The following ABCC1 variants were observed in gnomAD, a reference collection of about 807,000 sequenced individuals.
ABCC1 encodes ATP binding cassette subfamily C member 1 (ABCC1 blood group).
Under a neutral mutation model 172.9 loss-of-function variants are expected in ABCC1, and 83 were observed. The observed-to-expected ratio is 0.48, with a 90% CI of 0.40 to 0.58. The LOEUF is 0.58. Among genes scored for constraint, ABCC1 ranks in the 20% least tolerant of loss-of-function variants. ABCC1 has a pLI of 0.00. For missense variants in ABCC1, 1,817 were observed against 2,002.7 expected (o/e 0.91, Z 1.77); for synonymous variants, 937 against 825.2 (o/e 1.14, Z -2.32).
chr16:16,016,531 C>G lies in ABCC1; in HGVS notation c.525C>G (p.Phe175Leu), dbSNP rs761444938. Reference protein sequence around the residue: ...AQVDLFRDITFYVYFSLLLIQ... With the variant: ...AQVDLFRDITLYVYFSLLLIQ... Reference sequence around the variant, plus strand: ...TGGACCTGTTTCGTGACATCACTTTCTACGTCTACTTTTCCCTCTTACTCA... The same window carrying G: ...TGGACCTGTTTCGTGACATCACTTTGTACGTCTACTTTTCCCTCTTACTCA... The change falls in exon 5 of 31, where the codon TTC becomes TTG. Residue 175 changes from phenylalanine (F) to leucine (L), a missense_variant. Phe to Leu is a conservative substitution (Grantham distance 22, BLOSUM62 0). Coordinates refer to ENST00000399410, the MANE Select transcript of ABCC1 (RefSeq NM_004996.4). The G allele has an allele frequency of 6.2e-7, 1 of 1,614,152 alleles. No individual in the cohort carries two copies. Among genetic ancestry groups the G allele is most frequent in the Non-Finnish European group, 8.5e-7 (1 of 1,179,996 alleles).
intron 5 of ABCC1, among the ~76,000 whole-genome samples, chr16:16,020,523 C>T (rs2048160031): frequency 6.6e-6 from 1 of 152,200 alleles, no homozygotes; most frequent in South Asian, 2.1e-4. Context: ...GCGTTCATCA[C>T]ATAGTGTCTA....
intron 10 of ABCC1, among the ~76,000 whole-genome samples, chr16:16,050,097 T>C (rs1411705523): frequency 1.3e-5 from 2 of 152,202 alleles, no homozygotes; most frequent in African/African-American, 4.8e-5. Context: ...AGCAGCTGAC[T>C]TTTGTGTCTT....
rs1293465097 is a variant in ABCC1, at chr16:16,007,813, C to T, written c.49-3C>T. 1 of 1,609,014 alleles carries T rather than the reference C, an allele frequency of 6.2e-7. No individual in the cohort carries two copies. The highest frequency in any genetic ancestry group is 1.3e-5 in the African/African-American group (1 of 74,796). Reference sequence around the variant, plus strand: ...GACCCCTCGCCTGTGTTTGTGTTCGCAGGACTGGAATGTCACGTGGAATAC... The same window carrying T: ...GACCCCTCGCCTGTGTTTGTGTTCGTAGGACTGGAATGTCACGTGGAATAC... On this transcript the variant is annotated splice_polypyrimidine_tract_variant and splice_region_variant and intron_variant, in intron 1 of 30. Transcript: ENST00000399410.
At chr16:15,991,759 AG>A (rs759282178) in intron 1 of ABCC1, among the ~76,000 whole-genome samples, 6 of 152,074 alleles carry the variant, frequency 3.9e-5, no homozygotes, top group Non-Finnish European at 8.8e-5. Flanking sequence ...AAATGTGCTA[AG>A]GCCATACACG....
At chr16:16,103,495 G>A (rs561651704) in intron 20 of ABCC1, among the ~76,000 whole-genome samples, 48 of 152,232 alleles carry the variant, frequency 3.2e-4, no homozygotes, top group African/African-American at 1.1e-3. Context: ...CACGAGAATC[G>A]CTTGAACCCA....
chr16:16,039,516 G>A (rs2048893900), intron 7 of ABCC1, among the ~76,000 whole-genome samples: 1 of 151,924 alleles, frequency 6.6e-6, no homozygotes, highest in South Asian at 2.1e-4. Flanking sequence ...TGATCCTCCT[G>A]CCTTGGCCTC....
At chr16:16,002,771 CAAAA>C (rs34530270) in intron 1 of ABCC1, among the ~76,000 whole-genome samples, 1 of 129,304 alleles carries the variant, frequency 7.7e-6, no homozygotes. Flanking sequence ...GACCTTGTCT[CAAAA>C]AAAAAAAAAA....
At chr16:16,125,373 C>G (rs1201269531) in intron 25 of ABCC1, among the ~76,000 whole-genome samples, 1 of 152,132 alleles carries the variant, frequency 6.6e-6, no homozygotes, top group African/African-American at 2.4e-5. Context: ...CCTGGGGTTG[C>G]TAATTTCGGT....
At chr16:16,089,497 G>A (rs886902270) in intron 18 of ABCC1, among the ~76,000 whole-genome samples, 6 of 151,834 alleles carry the variant, frequency 4.0e-5, no homozygotes, top group Admixed American at 3.9e-4. Context: ...GTGGTGAGCC[G>A]AGGTCGCACC....
chr16:16,038,183 TGATGGATG>T (rs544621189), intron 7 of ABCC1, among the ~76,000 whole-genome samples: 8 of 151,700 alleles, frequency 5.3e-5, no homozygotes, highest in Admixed American at 2.6e-4. Context: ...GATTGATAGA[TGATGGATG>T]GATGGATGGA....
At chr16:15,978,718 G>A (rs1165569618) in intron 1 of ABCC1, among the ~76,000 whole-genome samples, 2 of 152,082 alleles carry the variant, frequency 1.3e-5, no homozygotes, top group Non-Finnish European at 2.9e-5. Flanking sequence ...TGGCAGGAGT[G>A]GGACCACATA....
At chr16:16,015,023 C>G (rs1344813312) in intron 4 of ABCC1, among the ~76,000 whole-genome samples, 1 of 152,008 alleles carries the variant, frequency 6.6e-6, no homozygotes, top group Non-Finnish European at 1.5e-5. Flanking sequence ...CTGGGGGACC[C>G]TAGGCTTGTC....
intron 11 of ABCC1, among the ~76,000 whole-genome samples, chr16:16,053,952 T>A (rs1216262403): frequency 1.3e-5 from 2 of 151,418 alleles, no homozygotes; most frequent in African/African-American, 2.4e-5. Context: ...TGGTATAGTT[T>A]GGTTTGTTTT....
At chr16:16,033,066 TC>T in intron 5 of ABCC1, 42 bp from the exon 6 acceptor site, 1 of 1,589,554 alleles carries the variant, frequency 6.3e-7, no homozygotes, top group Non-Finnish European at 8.6e-7. Flanking sequence ...GTCAAATCAT[TC>T]CTTTCCCTCT....
At chr16:16,070,517 T>C (rs1038430425) in intron 13 of ABCC1, among the ~76,000 whole-genome samples, 10 of 151,942 alleles carry the variant, frequency 6.6e-5, no homozygotes, top group Admixed American at 2.6e-4. Context: ...ATAAAAAAAT[T>C]AGCCAGGTGT....
intron 1 of ABCC1, among the ~76,000 whole-genome samples, chr16:15,998,985 TA>T (rs147818088): frequency 6.6e-6 from 1 of 152,060 alleles, no homozygotes; most frequent in Non-Finnish European, 1.5e-5. Context: ...TCCTGACTTT[TA>T]AAAAAATTAA....
At chr16:16,059,959 G>T (rs970358184) in intron 12 of ABCC1, among the ~76,000 whole-genome samples, 3 of 151,954 alleles carry the variant, frequency 2.0e-5, no homozygotes, top group Non-Finnish European at 4.4e-5. Flanking sequence ...TCACGCCACT[G>T]CACTCTAAGC....
intron 26 of ABCC1, among the ~76,000 whole-genome samples, chr16:16,130,562 G>T (rs990384530): frequency 2.6e-5 from 4 of 152,166 alleles, no homozygotes; most frequent in African/African-American, 9.7e-5. Flanking sequence ...CCTAGAGCCA[G>T]TCTGTGCATA....
intron 1 of ABCC1, among the ~76,000 whole-genome samples, chr16:15,960,998 AG>A (rs1359485437): frequency 2.2e-4 from 27 of 123,198 alleles, no homozygotes; most frequent in Non-Finnish European, 6.6e-5. Flanking sequence ...AATGAAACGC[AG>A]GTTTTTTTTT....
Sources: allele counts gnomAD v4.1 joint callset (sites outside exome capture counted in the v4.1 genomes callset), GRCh38; gene constraint gnomAD v4.1.1; transcripts MANE v1.5; gene names NCBI Gene and HGNC (gene_info 2026-07-23, HGNC 2026-07-21).